BTBD1: variants seen among roughly 807,000 people sequenced by gnomAD.
BTBD1 encodes BTB domain containing 1.
Under a neutral mutation model 48.0 loss-of-function variants are expected in BTBD1, and 34 were observed. The ratio of observed to expected loss-of-function variants is 0.71; its 90% confidence interval spans 0.54 to 0.94. The LOEUF (loss-of-function observed/expected upper bound fraction) is 0.94, where lower values mean the gene tolerates loss of function less well. Among genes scored for constraint, BTBD1 ranks in the 40% least tolerant of loss-of-function variants. BTBD1 has a pLI of 0.00. For missense variants in BTBD1, 543 were observed against 625.6 expected (o/e 0.87, Z 1.41); for synonymous variants, 261 against 242.1 (o/e 1.08, Z -0.72).
In BTBD1 at chr15:83,050,151, C is replaced by T. The variant is rs1358196726; in HGVS notation, c.586G>A (p.Ala196Thr). The T allele has an allele frequency of 6.2e-7, 1 of 1,612,662 alleles. No homozygotes were observed. Residue 196 changes from alanine to threonine, a missense_variant, in exon 3 of 8, where the codon GCT becomes ACT. Ala to Thr is a moderately conservative substitution (Grantham distance 58). Transcript: ENST00000261721. ...TCTATTGTATCTAGACAAAGACTAGCAAGCTGAGGTTCATCAAATAATCGA... is the reference window on the plus strand; with the variant it reads ...TCTATTGTATCTAGACAAAGACTAGTAAGCTGAGGTTCATCAAATAATCGA... Reference protein sequence around the residue: ...QARLFDEPQLASLCLDTIDKS... With the variant: ...QARLFDEPQLTSLCLDTIDKS...
intron 5 of BTBD1, among the ~76,000 whole-genome samples, chr15:83,027,431 G>A (rs1018071545): frequency 6.6e-6 from 1 of 152,174 alleles, no homozygotes; most frequent in Non-Finnish European, 1.5e-5. Flanking sequence ...GTTTGGAAGT[G>A]TTAAGTGACT....
At chr15:83,029,519 A>G (rs2032475331) in intron 5 of BTBD1, 1 of 152,190 alleles carries the variant, frequency 6.6e-6, no homozygotes, top group South Asian at 2.1e-4. Context: ...GCCTGTAAAA[A>G]TAACGTTTGA....
chr15:83,032,969 C>CAAAAAAAAAAAAAAAAAAAAAAAAAAAAA (rs56152195), intron 4 of BTBD1, among the ~76,000 whole-genome samples: 3 of 86,994 alleles, frequency 3.4e-5, no homozygotes, highest in African/African-American at 1.5e-4. Context: ...TACTCTGTCT[C>CAAAAAAAAAAAAAAAAAAAAAAAAAAAAA]AAAAAAAAAA....
Position 83,031,941 on chromosome 15 carries a change from A to G in BTBD1, c.863-1613T>C, listed in dbSNP as rs60462299. ...AAAAAGAAAAATAGATGTTGGCGTG[A>G]ATATGGTGAAAAGGGAACTCTTTTA... is the stretch of plus-strand genomic sequence containing the variant. On this transcript the variant is annotated intron_variant, in intron 4 of 7. Coordinates refer to ENST00000261721, the MANE Select transcript of BTBD1 (RefSeq NM_025238.4). Among the ~76,000 whole-genome samples the G allele has an allele frequency of 8.1e-3, 1,231 of 152,308 alleles. 17 individuals carry two copies. The highest frequency in any genetic ancestry group is 0.028 in the African/African-American group (1,166 of 41,560).
intron 4 of BTBD1, 42 bp from the exon 5 acceptor site, chr15:83,030,370 T>C: frequency 3.3e-6 from 5 of 1,521,706 alleles, no homozygotes; most frequent in Non-Finnish European, 3.6e-6. Flanking sequence ...GGAATTTGAT[T>C]TCAATTCCTA....
At chr15:83,046,414 A>T (rs1382758635) in intron 3 of BTBD1, among the ~76,000 whole-genome samples, 1 of 152,224 alleles carries the variant, frequency 6.6e-6, no homozygotes, top group Non-Finnish European at 1.5e-5. Context: ...AGATCAGAAA[A>T]ACACAGCAGA....
At chr15:83,066,666 G>C in intron 1 of BTBD1, 85 bp downstream of exon 1, 1 of 1,260,214 alleles carries the variant, frequency 7.9e-7, no homozygotes, top group Non-Finnish European at 1.0e-6. Context: ...TCATCCGGGA[G>C]TCCGGGTAGG....
At chr15:83,064,284 A>G (rs912468511) in intron 1 of BTBD1, among the ~76,000 whole-genome samples, 2 of 152,242 alleles carry the variant, frequency 1.3e-5, no homozygotes, top group Admixed American at 1.3e-4. Context: ...TTTAGAAATC[A>G]GTCCAGATAT....
At chr15:83,020,654 T>C in intron 6 of BTBD1, 21 bp downstream of exon 6, 1 of 1,442,816 alleles carries the variant, frequency 6.9e-7, no homozygotes, top group Non-Finnish European at 9.6e-7. Context: ...AAATGATATA[T>C]GGTGGGGGAG....
At chr15:83,044,413 A>G in intron 3 of BTBD1, 3 of 1,573,920 alleles carry the variant, frequency 1.9e-6, no homozygotes, top group Non-Finnish European at 2.6e-6. Flanking sequence ...CCTGGTGGAC[A>G]GCAAACGCTT....
rs60556702 is a variant in BTBD1 at position 83,039,742 on chromosome 15, T to C, written c.862+1986A>G. The stretch of plus-strand genomic sequence containing the variant: ...GCAGTGAGCTAAGATTGTACCACTG[T>C]ACTCCAGCCTGGGTGACAGAGTGAG... On this transcript the variant is annotated intron_variant, in intron 4 of 7. Transcript: ENST00000261721. Among the ~76,000 whole-genome samples the C allele has an allele frequency of 7.4e-3, 1,081 of 145,566 alleles. 13 individuals are homozygous for C. The highest frequency in any genetic ancestry group is 0.026 in the African/African-American group (1,023 of 39,056).
At chr15:83,064,235 A>C (rs2033223670) in intron 1 of BTBD1, among the ~76,000 whole-genome samples, 1 of 152,320 alleles carries the variant, frequency 6.6e-6, no homozygotes, top group East Asian at 1.9e-4. Context: ...CGTATTAGCT[A>C]ACAACAACAT....
At chr15:83,020,622 G>C in intron 6 of BTBD1, 53 bp downstream of exon 6, 1 of 1,204,852 alleles carries the variant, frequency 8.3e-7, no homozygotes, top group South Asian at 1.3e-5. Flanking sequence ...ATATCTTAAA[G>C]TTACCTGTTT....
At chr15:83,025,220 GGCAGACGCCTGTAATCCCA>G (rs1382003590) in intron 5 of BTBD1, among the ~76,000 whole-genome samples, 3 of 151,800 alleles carry the variant, frequency 2.0e-5, no homozygotes, top group African/African-American at 7.3e-5. Flanking sequence ...CAGGCATGGT[GGCAGACGCCTGTAATCCCA>G]GCTACTCGGG....
chr15:83,049,018 G>A (rs540929558), intron 3 of BTBD1, among the ~76,000 whole-genome samples: 10 of 152,276 alleles, frequency 6.6e-5, no homozygotes, highest in East Asian at 1.9e-4. Flanking sequence ...TGGACTTGCC[G>A]AGCGCTTTCA....
chr15:83,054,563 C>CTTTTTTTTTTTTTTTTTTTAT (rs1178762435), intron 2 of BTBD1, among the ~76,000 whole-genome samples: 1 of 130,428 alleles, frequency 7.7e-6, no homozygotes. Flanking sequence ...AACATTTTTT[C>CTTTTTTTTTTTTTTTTTTTAT]TTTTTTTTTT....
intron 4 of BTBD1, among the ~76,000 whole-genome samples, chr15:83,031,882 T>C (rs2032523987): frequency 2.6e-5 from 4 of 152,034 alleles, no homozygotes; most frequent in Admixed American, 2.6e-4. Context: ...GGTACCACCT[T>C]ACTCCTGCAA....
intron 6 of BTBD1, 100 bp downstream of exon 6, chr15:83,020,575 T>C: frequency 1.2e-6 from 1 of 800,028 alleles, no homozygotes; most frequent in South Asian, 1.8e-5. Flanking sequence ...TCTGATTGCT[T>C]TGACAATTAT....
rs531975701 is a variant in BTBD1 at position 83,050,814 on chromosome 15, C to T, written c.559-636G>A. Among the ~76,000 whole-genome samples the T allele has an allele frequency of 3.9e-5, 6 of 151,900 alleles. No individual in the cohort carries two copies. In the South Asian group the frequency reaches 6.2e-4, roughly 16 times the overall value. On this transcript the variant is annotated intron_variant, in intron 2 of 7. Coordinates refer to ENST00000261721, the MANE Select transcript of BTBD1 (RefSeq NM_025238.4). ...GAACAAATACATAAAATTCACATGA[C>T]GGAATATTATACAACAATGAGAATG...
Sources: gnomAD v4.1 joint callset for allele counts (sites outside exome capture counted in the v4.1 genomes callset) on GRCh38, gnomAD v4.1.1 for gene constraint, MANE v1.5 for transcripts, NCBI Gene and HGNC (gene_info 2026-07-23, HGNC 2026-07-21) for gene names.